The following CAMK4 variants were observed in gnomAD, a reference collection of about 807,000 sequenced individuals.
The protein encoded by CAMK4 is calcium/calmodulin-dependent protein kinase type IV.
A neutral mutation model predicts 44.9 loss-of-function variants in CAMK4; 22 were observed. The ratio of observed to expected loss-of-function variants is 0.49; its 90% CI spans 0.35 to 0.70. CAMK4 has a LOEUF of 0.70. CAMK4 is among the 30% of genes least tolerant of loss of function. The pLI is 0.01. For missense variants in CAMK4, 498 were observed against 586.8 expected, an observed-to-expected ratio of 0.85 and a Z score of 1.56; for synonymous variants, 218 against 215.4, an observed-to-expected ratio of 1.01 and a Z score of -0.11.
chr5:111,368,259 G>A (rs920255686), intron 2 of CAMK4, among the ~76,000 whole-genome samples: 1 of 152,070 alleles, frequency 6.6e-6, no homozygotes, highest in Non-Finnish European at 1.5e-5. Flanking sequence ...ACACTTGGAA[G>A]CTAATTTCAA....
chr5:111,386,170 TA>T (rs1561454986), intron 4 of CAMK4, among the ~76,000 whole-genome samples: 1 of 152,198 alleles, frequency 6.6e-6, no homozygotes. Flanking sequence ...ATGTCATCAA[TA>T]AAATGAGAAG....
At chr5:111,308,528 G>T (rs1031483305) in intron 1 of CAMK4, among the ~76,000 whole-genome samples, 1 of 152,124 alleles carries the variant, frequency 6.6e-6, no homozygotes, top group Admixed American at 6.6e-5. Flanking sequence ...TACAAAATTT[G>T]CAGATGAAAC....
intron 1 of CAMK4, among the ~76,000 whole-genome samples, chr5:111,316,453 G>A (rs1172383900): frequency 6.6e-6 from 1 of 152,096 alleles, no homozygotes; most frequent in East Asian, 1.9e-4. Flanking sequence ...CTTCTTCTAA[G>A]ATGAGAACAC....
intron 1 of CAMK4, among the ~76,000 whole-genome samples, chr5:111,314,856 G>A (rs77881496): frequency 0.039 from 5,900 of 152,022 alleles, 135 homozygotes; most frequent in South Asian, 0.066. Flanking sequence ...AACTACAAAG[G>A]CTTTCTTAAT....
At chr5:111,333,873 T>C (rs1050610686) in intron 1 of CAMK4, among the ~76,000 whole-genome samples, 1 of 151,550 alleles carries the variant, frequency 6.6e-6, no homozygotes, top group Non-Finnish European at 1.5e-5. Context: ...ATGATACCTG[T>C]AAGACAGTGG....
intron 10 of CAMK4, among the ~76,000 whole-genome samples, chr5:111,483,784 T>C (rs1382752858): frequency 6.6e-6 from 1 of 152,212 alleles, no homozygotes; most frequent in African/African-American, 2.4e-5. Flanking sequence ...GGTAAACACA[T>C]GTATTCAGGC....
chr5:111,363,499 C>T (rs941524635), intron 2 of CAMK4, among the ~76,000 whole-genome samples: 6 of 151,850 alleles, frequency 4.0e-5, no homozygotes, highest in Admixed American at 6.6e-5. Flanking sequence ...ACTCATGCTC[C>T]GATGGAAGAA....
intron 5 of CAMK4, among the ~76,000 whole-genome samples, chr5:111,410,658 G>A (rs548149933): frequency 2.8e-4 from 42 of 152,216 alleles, no homozygotes; most frequent in African/African-American, 8.7e-4. Context: ...TTATATGGGC[G>A]TGATGTGAAT....
intron 2 of CAMK4, among the ~76,000 whole-genome samples, chr5:111,344,728 G>A (rs385568): frequency 0.87 from 132,501 of 151,702 alleles, 58,125 homozygotes; most frequent in East Asian, 1. Flanking sequence ...TACACTCATA[G>A]ATAAGCTGAG....
intron 1 of CAMK4, among the ~76,000 whole-genome samples, chr5:111,261,539 G>A (rs1749975523): frequency 6.7e-6 from 1 of 149,722 alleles, no homozygotes; most frequent in African/African-American, 2.5e-5. Flanking sequence ...TATCCTTATA[G>A]TTTCCTTCTC....
rs1326629362 is a variant in CAMK4 at position 111,482,102 on chromosome 5, C to T, written c.829-683C>T. 1 of 152,094 alleles carries T rather than the reference C, an allele frequency of 6.6e-6. No individual in the cohort carries two copies. The highest frequency in any genetic ancestry group is 1.9e-4 in the East Asian group (1 of 5,186). The allele number at this position is 152,094 out of a possible 1,614,324, so 9.4% of individuals were successfully genotyped here. ...GACTGTGGATTATTTTATTTGCTGACCTTCCTGGGAATTTATTGACTGCCC... is the reference window on the plus strand; with the variant it reads ...GACTGTGGATTATTTTATTTGCTGATCTTCCTGGGAATTTATTGACTGCCC... On this transcript the variant is annotated intron_variant, in intron 9 of 10. Coordinates refer to ENST00000282356, the MANE Select transcript of CAMK4 (RefSeq NM_001744.6). The surrounding 1 kb of genome is among the most constrained non-coding windows in gnomAD (Gnocchi z 4.9).
intron 1 of CAMK4, among the ~76,000 whole-genome samples, chr5:111,273,678 TA>T (rs1333904075): frequency 1.6e-3 from 13 of 8,022 alleles, no homozygotes; most frequent in East Asian, 4.6e-3. Context: ...AAAATGCATT[TA>T]TATATATATA....
chr5:111,281,434 C>A (rs1264477424), intron 1 of CAMK4, among the ~76,000 whole-genome samples: 1 of 152,164 alleles, frequency 6.6e-6, no homozygotes, highest in Non-Finnish European at 1.5e-5. Flanking sequence ...TGCTTGCCTC[C>A]CATCCCCTCT....
chr5:111,430,033 AG>A (rs1272184680), intron 5 of CAMK4, among the ~76,000 whole-genome samples: 5 of 152,112 alleles, frequency 3.3e-5, no homozygotes, highest in African/African-American at 9.7e-5. Flanking sequence ...ACTACAGGCC[AG>A]TATCTGTGAT....
chr5:111,257,986 ACACACTGGGGCCTAG>A (rs1014296819), intron 1 of CAMK4, among the ~76,000 whole-genome samples: 13 of 152,112 alleles, frequency 8.5e-5, no homozygotes. Context: ...GGGGAACAAC[ACACACTGGGGCCTAG>A]CACGGGGAGG....
intron 1 of CAMK4, among the ~76,000 whole-genome samples, chr5:111,335,373 T>C (rs1749357571): frequency 6.6e-6 from 1 of 151,554 alleles, no homozygotes. Context: ...ATTTGATCTG[T>C]ATTTGGCCCT....
At chr5:111,238,728 G>A (rs1040352242) in intron 1 of CAMK4, among the ~76,000 whole-genome samples, 1 of 144,714 alleles carries the variant, frequency 6.9e-6, no homozygotes, top group African/African-American at 2.6e-5. Context: ...GGTAAAGGAG[G>A]CCAGAACCCC....
chr5:111,351,044 C>T (rs936834400), intron 2 of CAMK4, among the ~76,000 whole-genome samples: 1 of 152,082 alleles, frequency 6.6e-6, no homozygotes, highest in East Asian at 1.9e-4. Context: ...ACCATTTATA[C>T]CACTGGGTAA....
intron 1 of CAMK4, among the ~76,000 whole-genome samples, chr5:111,324,438 T>C (rs999082178): frequency 1.3e-5 from 2 of 152,050 alleles, no homozygotes; most frequent in African/African-American, 4.8e-5. Context: ...TTTAGTATGA[T>C]GGAAAACAAA....
Sources: gnomAD v4.1 joint callset for allele counts (sites outside exome capture counted in the v4.1 genomes callset) on GRCh38, gnomAD v4.1.1 for gene constraint, Gnocchi (gnomAD v3.1) non-coding constraint, MANE v1.5 for transcripts, NCBI Gene and HGNC (gene_info 2026-07-23, HGNC 2026-07-21) for gene names.